TRAPPC11: variants seen among roughly 807,000 people sequenced by gnomAD.
TRAPPC11 encodes foie gras homolog.
In TRAPPC11, 104 loss-of-function variants were observed where a neutral mutation model predicts 151.2. The ratio of observed to expected loss-of-function variants is 0.69; its 90% CI spans 0.59 to 0.81. The LOEUF (loss-of-function observed/expected upper bound fraction) is 0.81. Ranked by LOEUF, TRAPPC11 falls within the 30% of genes least tolerant of loss-of-function variation. The probability of loss-of-function intolerance (pLI) is 0.00; values close to 1 mark genes in which losing one functional copy is unlikely to be tolerated. For synonymous variants in TRAPPC11, 456 were observed against 472.3 expected (o/e 0.97, Z 0.45); for missense variants, 1,230 against 1,349.6 (o/e 0.91, Z 1.39).
At chr4:183,692,121 G>A (rs998358304) in intron 19 of TRAPPC11, among the ~76,000 whole-genome samples, 7 of 152,028 alleles carry the variant, frequency 4.6e-5, no homozygotes, top group African/African-American at 1.7e-4. Flanking sequence ...TGTAAAATGG[G>A]GATCATAAGA....
intron 25 of TRAPPC11, among the ~76,000 whole-genome samples, chr4:183,700,115 G>T (rs1194446341): frequency 6.6e-6 from 1 of 152,104 alleles, no homozygotes; most frequent in East Asian, 1.9e-4. Context: ...CCCAGCCAAT[G>T]TTAATTATTA....
chr4:183,712,707 A>G lies in TRAPPC11; in HGVS notation c.*63A>G. 6.6e-7 allele frequency: 1 copy of G among 1,507,146 alleles called. No individual in the cohort carries two copies. Among genetic ancestry groups the G allele is most frequent in the Middle Eastern group, 1.7e-4 (1 of 5,842 alleles). 93.4% of individuals were successfully genotyped at this position (1,507,146 alleles called of 1,614,324 possible). A position where few individuals can be genotyped will look rare whatever the true frequency, so the allele number is the denominator to read the frequency against. ...TTGGGCAGAGCTATGCAGGTGTTTCATTGTGAACTCTAGCTTTGATCATGG... is the reference window on the plus strand; with the variant it reads ...TTGGGCAGAGCTATGCAGGTGTTTCGTTGTGAACTCTAGCTTTGATCATGG... On this transcript the variant is annotated 3_prime_UTR_variant, in exon 30 of 30. Transcript: ENST00000334690.
chr4:183,710,474 T>TA, intron 29 of TRAPPC11, among the ~76,000 whole-genome samples: 1 of 151,404 alleles, frequency 6.6e-6, no homozygotes, highest in South Asian at 2.1e-4. Flanking sequence ...TTTTAGTAGA[T>TA]ACGGGGTTTC....
chr4:183,676,081 G>GT (rs1171518838), intron 7 of TRAPPC11, among the ~76,000 whole-genome samples: 1 of 152,098 alleles, frequency 6.6e-6, no homozygotes, highest in East Asian at 1.9e-4. Context: ...GTTTTGAGAT[G>GT]TTTAAGTACC....
intron 5 of TRAPPC11, among the ~76,000 whole-genome samples, chr4:183,673,927 A>G (rs1181069928): frequency 3.9e-5 from 6 of 152,148 alleles, no homozygotes; most frequent in Admixed American, 2.0e-4. Context: ...GAGGATTTAA[A>G]TCACACAAAT....
intron 4 of TRAPPC11, 34 bp downstream of exon 4, chr4:183,667,164 T>C: frequency 6.5e-7 from 1 of 1,538,702 alleles, no homozygotes; most frequent in Non-Finnish European, 8.9e-7. Flanking sequence ...TTAATTGTTT[T>C]ATACCTCCAA....
intron 27 of TRAPPC11, among the ~76,000 whole-genome samples, chr4:183,705,750 G>T (rs1017548311): frequency 1.3e-5 from 2 of 152,134 alleles, no homozygotes; most frequent in Non-Finnish European, 2.9e-5. Flanking sequence ...CTGTCTGTAG[G>T]CTTGATCAGA....
chr4:183,662,334 G>T (rs1734594542), intron 1 of TRAPPC11, among the ~76,000 whole-genome samples: 1 of 131,964 alleles, frequency 7.6e-6, no homozygotes, highest in South Asian at 2.3e-4. Flanking sequence ...CCAGCCTGGT[G>T]ACAGAGTGAT....
intron 1 of TRAPPC11, among the ~76,000 whole-genome samples, chr4:183,660,740 G>A (rs1734440831): frequency 6.6e-6 from 1 of 152,218 alleles, no homozygotes; most frequent in Admixed American, 6.5e-5. Context: ...TTGAGACGGA[G>A]TCTTGCTCTG....
At position 183,686,725 on chromosome 4, in the gene TRAPPC11, C is replaced by T. The variant is rs1280186786; in HGVS notation, c.1870C>T (p.Leu624Phe). The change falls in exon 18 of 30, where the codon CTC (leucine) becomes TTC (phenylalanine). Residue 624 changes from leucine (L) to phenylalanine (F), a missense_variant. By Grantham distance (22) the Leu-to-Phe change is conservative. Transcript: ENST00000334690. Reference sequence around the variant, plus strand: ...TCCACATCCCATTAGGTTTTCCAAGCTCTGTGTCAGCTTTAATAATCAGGT... The same window carrying T: ...TCCACATCCCATTAGGTTTTCCAAGTTCTGTGTCAGCTTTAATAATCAGGT... ...DCPHPIRFSK[L>F]CVSFNNQEYN... is the part of the protein sequence containing the mutation. 6.2e-7 allele frequency: 1 copy of T among 1,614,050 alleles called. No individual in the cohort carries two copies. Among genetic ancestry groups the T allele is most frequent in the Admixed American group, 1.7e-5 (1 of 60,010 alleles).
At chr4:183,675,958 T>C (rs1257978519) in intron 7 of TRAPPC11, among the ~76,000 whole-genome samples, 1 of 152,126 alleles carries the variant, frequency 6.6e-6, no homozygotes, top group Non-Finnish European at 1.5e-5. Context: ...AAGACAAAGG[T>C]ATTAAAAACA....
chr4:183,661,090 C>T (rs545508406), intron 1 of TRAPPC11, among the ~76,000 whole-genome samples: 19 of 152,106 alleles, frequency 1.2e-4, no homozygotes, highest in South Asian at 8.3e-4. Flanking sequence ...AATCCTTTGC[C>T]CTCATAACTT....
At chr4:183,667,831 C>T in intron 4 of TRAPPC11, 172 bp from the exon 5 acceptor site, 2 of 614,444 alleles carry the variant, frequency 3.3e-6, no homozygotes, top group Non-Finnish European at 2.9e-6. Flanking sequence ...TACTGTGTAA[C>T]CTCTAAGAAC....
chr4:183,699,914 T>A (rs1325439406), intron 25 of TRAPPC11, among the ~76,000 whole-genome samples: 1 of 151,984 alleles, frequency 6.6e-6, no homozygotes, highest in Non-Finnish European at 1.5e-5. Flanking sequence ...AAGCTCTGCC[T>A]CCCGGGTTCA....
chr4:183,664,037 C>T lies in TRAPPC11; in HGVS notation c.170C>T (p.Pro57Leu), dbSNP rs375826055. The change falls in exon 2 of 30, where the codon CCA becomes CTA. Residue 57 changes from proline (P) to leucine (L), a missense_variant. Pro to Leu is a moderately conservative substitution (Grantham distance 98). Transcript: ENST00000334690. ...DRVPISFKVLPGDHEYPKCRP... is the reference protein window; with the variant it reads ...DRVPISFKVLLGDHEYPKCRP... ...GTACCAATTTCTTTCAAGGTGCTCCCAGGTGACCATGAGTATCCCAAATGT... is the reference window on the plus strand; with the variant it reads ...GTACCAATTTCTTTCAAGGTGCTCCTAGGTGACCATGAGTATCCCAAATGT... 9 of 1,613,440 alleles carry T rather than the reference C, an allele frequency of 5.6e-6. No homozygotes were observed. The highest frequency in any genetic ancestry group is 7.6e-6 in the Non-Finnish European group (9 of 1,179,996).
chr4:183,677,222 G>T (rs1349060291), intron 7 of TRAPPC11, among the ~76,000 whole-genome samples: 1 of 152,278 alleles, frequency 6.6e-6, no homozygotes, highest in East Asian at 1.9e-4. Flanking sequence ...GTTACTGACA[G>T]ATGTTAATGA....
In TRAPPC11 at chr4:183,686,876, T is replaced by G. The variant is rs1343810959; in HGVS notation, c.1893+128T>G. The G allele has an allele frequency of 5.9e-6, 7 of 1,176,840 alleles. No homozygotes were observed. The Admixed American group carries it at 6.5e-5, about 11-fold the overall frequency. 72.9% of individuals were successfully genotyped at this position (1,176,840 alleles called of 1,614,324 possible). A position where few individuals can be genotyped will look rare whatever the true frequency, so the allele number is the denominator to read the frequency against. ...TAGTAACAAATGAACTTTGGTAAGG[T>G]CTATTCAAAAATATATCTCCAGGGC... On this transcript the variant is annotated intron_variant, in intron 18 of 29. Transcript: ENST00000334690.
At chr4:183,676,680 A>G (rs1735427909) in intron 7 of TRAPPC11, among the ~76,000 whole-genome samples, 1 of 152,190 alleles carries the variant, frequency 6.6e-6, no homozygotes, top group Non-Finnish European at 1.5e-5. Flanking sequence ...CCCGAAGGAC[A>G]TCTTTCCCTG....
intron 29 of TRAPPC11, among the ~76,000 whole-genome samples, chr4:183,710,267 A>C (rs1737275033): frequency 6.6e-6 from 1 of 150,394 alleles, no homozygotes; most frequent in Admixed American, 6.8e-5. Context: ...TTAAATTCAC[A>C]AGGAAAGGTT....
Sources: gnomAD v4.1 joint callset for allele counts (sites outside exome capture counted in the v4.1 genomes callset) on GRCh38, gnomAD v4.1.1 for gene constraint, MANE v1.5 for transcripts, NCBI Gene and HGNC (gene_info 2026-07-23, HGNC 2026-07-21) for gene names.